The following PPFIA2 variants were observed in gnomAD, a reference collection of about 807,000 sequenced individuals.
PPFIA2 encodes the protein PPFI scaffold protein A2.
PPFIA2 carries 46 observed loss-of-function variants against 175.5 expected under a neutral mutation model. The observed-to-expected ratio is 0.26, with a 90% CI of 0.21 to 0.34. The LOEUF is 0.34. Among genes scored for constraint, PPFIA2 ranks in the 10% least tolerant of loss-of-function variants. The probability of loss-of-function intolerance (pLI) is 1.00; values close to 1 mark genes in which losing one functional copy is unlikely to be tolerated. For missense variants in PPFIA2, 1,179 were observed against 1,506.1 expected, an observed-to-expected ratio of 0.78 and a Z score of 3.60; for synonymous variants, 568 against 511.4, an observed-to-expected ratio of 1.11 and a Z score of -1.49.
chr12:81,390,211 C>T (rs1344764960), intron 8 of PPFIA2, among the ~76,000 whole-genome samples: 2 of 151,928 alleles, frequency 1.3e-5, no homozygotes, highest in Non-Finnish European at 2.9e-5. Flanking sequence ...ACGTTGTGTC[C>T]ACCTTTTGGC....
intron 4 of PPFIA2, among the ~76,000 whole-genome samples, chr12:81,635,978 C>G (rs893831857): frequency 2.0e-5 from 3 of 151,992 alleles, no homozygotes; most frequent in African/African-American, 7.2e-5. Flanking sequence ...ACAAAGATAT[C>G]TTGTATTAGT....
intron 4 of PPFIA2, among the ~76,000 whole-genome samples, chr12:81,518,402 C>A: frequency 6.6e-6 from 1 of 152,242 alleles, no homozygotes; most frequent in East Asian, 1.9e-4. Context: ...GCTTTTACTC[C>A]CTCAAATAGC....
Position 81,267,728 on chromosome 12 carries a change from A to ATTTT in PPFIA2, c.3486+180_3486+183dup, listed in dbSNP as rs137975780. On this transcript the variant is annotated intron_variant, in intron 29 of 32. Coordinates refer to ENST00000549396, the MANE Select transcript of PPFIA2 (RefSeq NM_003625.5). The stretch of plus-strand genomic sequence containing the variant: ...AATCCCTTTCTTGTTTAATTGTATG[A>ATTTT]TTTTTTTTTTTTTTTTTTTGGCTAG... 1.0e-3 allele frequency among the ~76,000 whole-genome samples: 81 copies of ATTTT among 77,770 alleles called. 1 individual carries two copies. The highest frequency in any genetic ancestry group is 3.0e-3 in the African/African-American group (79 of 26,156). The allele number at this position is 77,770 out of a possible 152,430, so 51.0% of individuals were successfully genotyped here.
At chr12:81,562,845 T>TTA (rs2070443446) in intron 4 of PPFIA2, among the ~76,000 whole-genome samples, 1 of 16,548 alleles carries the variant, frequency 6.0e-5, no homozygotes, top group African/African-American at 3.8e-4. Flanking sequence ...AGACTCTGTC[T>TTA]CAAAAAAAAA....
At chr12:81,703,299 T>C (rs994270272) in intron 3 of PPFIA2, among the ~76,000 whole-genome samples, 7 of 152,122 alleles carry the variant, frequency 4.6e-5, no homozygotes, top group Admixed American at 6.5e-5. Context: ...AAAATTTCTC[T>C]TTTTTACAGC....
intron 7 of PPFIA2, among the ~76,000 whole-genome samples, chr12:81,414,790 A>G (rs1250036242): frequency 6.6e-6 from 1 of 151,638 alleles, no homozygotes; most frequent in African/African-American, 2.4e-5. Flanking sequence ...CTAGTAAAAC[A>G]GTAGGGATTT....
chr12:81,269,944 T>TA (rs1456908300), intron 28 of PPFIA2, among the ~76,000 whole-genome samples: 1 of 152,008 alleles, frequency 6.6e-6, no homozygotes, highest in Non-Finnish European at 1.5e-5. Context: ...TGGCAAGGGA[T>TA]AAAAAACAAC....
intron 4 of PPFIA2, among the ~76,000 whole-genome samples, chr12:81,600,699 G>A (rs575570776): frequency 6.6e-6 from 1 of 151,848 alleles, no homozygotes; most frequent in Non-Finnish European, 1.5e-5. Context: ...AAATATTCTA[G>A]ATACGTGTTA....
chr12:81,329,915 C>T (rs1365656153), intron 21 of PPFIA2, among the ~76,000 whole-genome samples: 2 of 152,168 alleles, frequency 1.3e-5, no homozygotes, highest in East Asian at 1.9e-4. Context: ...ACTGCCAGCC[C>T]TGAACTTTCC....
intron 17 of PPFIA2, among the ~76,000 whole-genome samples, chr12:81,348,105 A>G (rs1339853641): frequency 6.6e-6 from 1 of 152,136 alleles, no homozygotes; most frequent in African/African-American, 2.4e-5. Context: ...CTAATCTTAC[A>G]TTTGACCTCA....
chr12:81,617,072 C>A (rs938335895), intron 4 of PPFIA2, among the ~76,000 whole-genome samples: 9 of 152,228 alleles, frequency 5.9e-5, no homozygotes, highest in Non-Finnish European at 1.0e-4. Context: ...CAGTTTTGTT[C>A]TCTAAAAAGT....
intron 4 of PPFIA2, among the ~76,000 whole-genome samples, chr12:81,660,938 A>G (rs993501489): frequency 5.9e-5 from 9 of 152,304 alleles, no homozygotes; most frequent in African/African-American, 1.9e-4. Context: ...TTTCATATCC[A>G]GCCAAACTAA....
chr12:81,454,372 T>C (rs2053211826), intron 5 of PPFIA2, among the ~76,000 whole-genome samples: 1 of 152,212 alleles, frequency 6.6e-6, no homozygotes, highest in African/African-American at 2.4e-5. Context: ...TAGTGGACTC[T>C]CTGGGTGTTT....
chr12:81,550,985 G>A (rs2067826000), intron 4 of PPFIA2, among the ~76,000 whole-genome samples: 1 of 151,908 alleles, frequency 6.6e-6, no homozygotes, highest in African/African-American at 2.4e-5. Flanking sequence ...GCATTATGAT[G>A]CATTGAGATC....
At chr12:81,394,936 T>C (rs533882334) in intron 8 of PPFIA2, among the ~76,000 whole-genome samples, 24 of 152,072 alleles carry the variant, frequency 1.6e-4, no homozygotes, top group Non-Finnish European at 2.9e-4. Context: ...TACCAGTTAC[T>C]ATGATAAGCA....
At chr12:81,457,625 A>G (rs2053819578) in intron 5 of PPFIA2, 140 bp downstream of exon 5, 1 of 505,412 alleles carries the variant, frequency 2.0e-6, no homozygotes, top group Admixed American at 3.8e-5. Flanking sequence ...ATCCTCCTTT[A>G]CTTTAAGTAA....
intron 22 of PPFIA2, among the ~76,000 whole-genome samples, chr12:81,301,746 G>C (rs1377758142): frequency 1.3e-5 from 2 of 152,120 alleles, no homozygotes; most frequent in Admixed American, 6.6e-5. Flanking sequence ...GATCTTGGCA[G>C]CTCACCTGGA....
At chr12:81,662,117 C>T (rs1033137724) in intron 4 of PPFIA2, among the ~76,000 whole-genome samples, 2 of 151,850 alleles carry the variant, frequency 1.3e-5, no homozygotes, top group Non-Finnish European at 2.9e-5. Flanking sequence ...AAAATTGACA[C>T]CCTAACATCA....
intron 4 of PPFIA2, among the ~76,000 whole-genome samples, chr12:81,658,812 GA>G (rs1028407177): frequency 5.6e-4 from 85 of 151,786 alleles, no homozygotes; most frequent in African/African-American, 1.9e-3. Flanking sequence ...AAGGAAGGGA[GA>G]AAAAAAGAAC....
Sources: gnomAD v4.1 joint callset for allele counts (sites outside exome capture counted in the v4.1 genomes callset) on GRCh38, gnomAD v4.1.1 for gene constraint, MANE v1.5 for transcripts, NCBI Gene and HGNC (gene_info 2026-07-23, HGNC 2026-07-21) for gene names.